MYH14: variants seen among roughly 807,000 people sequenced by gnomAD.
MYH14 encodes the protein myosin-14.
In MYH14, 123 loss-of-function variants were observed where a neutral mutation model predicts 255.5. The observed-to-expected ratio is 0.48, with a 90% CI of 0.42 to 0.56. The LOEUF (loss-of-function observed/expected upper bound fraction) is 0.56. MYH14 is among the 20% of genes least tolerant of loss of function. The pLI is 0.00. For missense variants in MYH14, 2,423 were observed against 2,802.3 expected (o/e 0.86, Z 3.06); for synonymous variants, 1,095 against 1,161.2 (o/e 0.94, Z 1.16).
chr19:50,271,301 A>G, intron 24 of MYH14, 108 bp from the exon 25 acceptor site: 1 of 1,223,170 alleles, frequency 8.2e-7, no homozygotes, highest in Non-Finnish European at 1.1e-6. Flanking sequence ...ACATCTCTGA[A>G]CCACAAGCCG....
At chr19:50,286,398 C>T (rs1322220681) in intron 33 of MYH14, 84 bp from the exon 34 acceptor site, 3 of 1,281,604 alleles carry the variant, frequency 2.3e-6, no homozygotes, top group African/African-American at 3.0e-5. Context: ...TTTCTCTGTT[C>T]CTGGCTGCTC....
At chr19:50,267,588 T>G (rs2035134943) in intron 23 of MYH14, among the ~76,000 whole-genome samples, 1 of 147,114 alleles carries the variant, frequency 6.8e-6, no homozygotes, top group South Asian at 2.2e-4. Context: ...GCCACCGCAC[T>G]CCAGCCTGGT....
At chr19:50,269,827 G>A (rs1424949504) in intron 24 of MYH14, among the ~76,000 whole-genome samples, 1 of 152,214 alleles carries the variant, frequency 6.6e-6, no homozygotes, top group East Asian at 1.9e-4. Context: ...AGGGTCCCCA[G>A]ATAAGGCTGG....
intron 10 of MYH14, among the ~76,000 whole-genome samples, chr19:50,238,975 A>G (rs2123265165): frequency 6.6e-6 from 1 of 152,244 alleles, no homozygotes; most frequent in Non-Finnish European, 1.5e-5. Context: ...TATCCAGTCC[A>G]CAGACCTTAG....
intron 19 of MYH14, 92 bp downstream of exon 19, chr19:50,259,357 T>A: frequency 1.4e-6 from 2 of 1,473,990 alleles, no homozygotes; most frequent in Non-Finnish European, 9.2e-7. Context: ...CTCCACCCAC[T>A]CTTGTTCCTT....
At chr19:50,229,595 G>T (rs962039773) in intron 8 of MYH14, among the ~76,000 whole-genome samples, 3 of 152,160 alleles carry the variant, frequency 2.0e-5, no homozygotes, top group South Asian at 2.1e-4. Context: ...AGCTGTGATT[G>T]TGCTGCTGTG....
chr19:50,305,718 A>G (rs2036631264), intron 40 of MYH14, among the ~76,000 whole-genome samples: 1 of 151,098 alleles, frequency 6.6e-6, no homozygotes, highest in Non-Finnish European at 1.5e-5. Context: ...ACTTGAACCC[A>G]GGAGTTCAAG....
chr19:50,246,329 C>T (rs991287569), intron 11 of MYH14, among the ~76,000 whole-genome samples: 5 of 151,950 alleles, frequency 3.3e-5, no homozygotes, highest in South Asian at 2.1e-4. Context: ...TTAGTACAGA[C>T]GGGGTTTCAC....
At position 50,276,738 on chromosome 19, in the gene MYH14, C is replaced by G; in HGVS notation, c.3681-19C>G. 3 of 1,613,248 alleles carry G rather than the reference C, an allele frequency of 1.9e-6. No homozygotes were observed. Among genetic ancestry groups the G allele is most frequent in the Non-Finnish European group, 2.5e-6 (3 of 1,179,858 alleles). ...CTCTGCTCTGAAATTCCCATCCTCTCTCCTTTCCCCCAATAAAGGTCCAAG... is the reference window on the plus strand; with the variant it reads ...CTCTGCTCTGAAATTCCCATCCTCTGTCCTTTCCCCCAATAAAGGTCCAAG... On this transcript the variant is annotated intron_variant, in intron 28 of 42. Coordinates refer to ENST00000642316, the MANE Select transcript of MYH14 (RefSeq NM_001145809.2). This position sits in a 1 kb window ranked among gnomAD's most constrained non-coding sequence, Gnocchi z 4.3.
chr19:50,283,276 T>C (rs974706125), intron 33 of MYH14, among the ~76,000 whole-genome samples: 2 of 152,112 alleles, frequency 1.3e-5, no homozygotes, highest in African/African-American at 4.8e-5. Context: ...TGCACCACCA[T>C]GCCTGGCTAA....
intron 19 of MYH14, among the ~76,000 whole-genome samples, chr19:50,260,263 T>C (rs1388115412): frequency 6.6e-6 from 1 of 151,956 alleles, no homozygotes; most frequent in Non-Finnish European, 1.5e-5. Flanking sequence ...CCATCTCTAC[T>C]AAAAATACAA....
At position 50,282,365 on chromosome 19, in the gene MYH14, C is replaced by A. The variant is rs1437256297; in HGVS notation, c.4539+523C>A. On this transcript the variant is annotated intron_variant, in intron 33 of 42. Coordinates refer to ENST00000642316, the MANE Select transcript of MYH14 (RefSeq NM_001145809.2). The stretch of plus-strand genomic sequence containing the variant: ...CCTCTTGATGGCTGTGTGGCTTGGG[C>A]AAATTGCTCAACCTCTCTGTGCTTT... 4.6e-5 allele frequency among the ~76,000 whole-genome samples: 7 copies of A among 152,320 alleles called. No individual in the cohort carries two copies. In the East Asian group the frequency reaches 1.4e-3, roughly 29 times the overall value.
In MYH14 at chr19:50,307,133, G is replaced by A; in HGVS notation, c.5763G>A (p.Arg1921=). The A allele has an allele frequency of 7.1e-6, 11 of 1,549,270 alleles. No homozygotes were observed. Among genetic ancestry groups the A allele is most frequent in the Non-Finnish European group, 9.6e-6 (11 of 1,146,366 alleles). Residue 1921 remains arginine (R), a synonymous_variant, in exon 41 of 43, where the codon AGG becomes AGA. Coordinates refer to ENST00000642316, the MANE Select transcript of MYH14 (RefSeq NM_001145809.2). ...TGCTCCAGGTGGAGGAGGAGCGGAGGGTGGCTGACCAGCTCCGGGACCAGG... is the reference window on the plus strand; with the variant it reads ...TGCTCCAGGTGGAGGAGGAGCGGAGAGTGGCTGACCAGCTCCGGGACCAGG... ...EVVLQVEEER[R]VADQLRDQLE...
chr19:50,255,322 G>C lies in MYH14; in HGVS notation c.2044+4G>C. On this transcript the variant is annotated splice_donor_region_variant and intron_variant, in intron 17 of 42. Transcript: ENST00000642316. ...TCTGCTATTTCTCCGCCAGGGGGTGGGTGTCTCTGTGCATCGATGGGTGAG... is the reference window on the plus strand; with the variant it reads ...TCTGCTATTTCTCCGCCAGGGGGTGCGTGTCTCTGTGCATCGATGGGTGAG... The C allele has an allele frequency of 6.5e-7, 1 of 1,549,714 alleles. No homozygotes were observed. Among genetic ancestry groups the C allele is most frequent in the African/African-American group, 1.4e-5 (1 of 73,086 alleles).
intron 9 of MYH14, 22 bp from the exon 10 acceptor site, chr19:50,231,908 A>G (rs969623599): frequency 6.2e-7 from 1 of 1,612,326 alleles, no homozygotes; most frequent in African/African-American, 1.3e-5. Context: ...TTTGACCTTG[A>G]CCCCACTCAT....
intron 3 of MYH14, among the ~76,000 whole-genome samples, chr19:50,222,207 G>A (rs1329005095): frequency 6.6e-6 from 1 of 152,064 alleles, no homozygotes; most frequent in African/African-American, 2.4e-5. Flanking sequence ...TCGGCCGGGT[G>A]CAGTGGCTCA....
At chr19:50,228,148 T>TG (rs1289902238) in intron 8 of MYH14, among the ~76,000 whole-genome samples, 1 of 151,728 alleles carries the variant, frequency 6.6e-6, no homozygotes, top group Non-Finnish European at 1.5e-5. Context: ...TAGCCGGGCG[T>TG]GGTGGCGCAT....
rs559470280 is a variant in MYH14 at position 50,250,113 on chromosome 19, T to C, written c.1656+290T>C. 5.9e-5 allele frequency among the ~76,000 whole-genome samples: 9 copies of C among 151,906 alleles called. No individual in the cohort carries two copies. The East Asian group carries it at 1.7e-3, about 29-fold the overall frequency. On this transcript the variant is annotated intron_variant, in intron 14 of 42. Coordinates refer to ENST00000642316, the MANE Select transcript of MYH14 (RefSeq NM_001145809.2). This position sits in a 1 kb window ranked among gnomAD's most constrained non-coding sequence, Gnocchi z 5.4. ...TGTTTGTTTTGTTTTGTTTTGTTTT[T>C]TTCTTGAGACGGAGTCTCGCTCTAT...
intron 10 of MYH14, among the ~76,000 whole-genome samples, chr19:50,240,768 C>T (rs940122220): frequency 4.0e-5 from 6 of 151,754 alleles, no homozygotes. Context: ...GAGATCTCAT[C>T]TCTATTAAAA....
Sources: gnomAD v4.1 joint callset for allele counts (sites outside exome capture counted in the v4.1 genomes callset) on GRCh38, gnomAD v4.1.1 for gene constraint, Gnocchi (gnomAD v3.1) non-coding constraint, MANE v1.5 for transcripts, NCBI Gene and HGNC (gene_info 2026-07-23, HGNC 2026-07-21) for gene names.